Variants in CDH13 observed in about 807,000 individuals in gnomAD.
The protein encoded by CDH13 is cadherin-13.
CDH13 carries 24 observed loss-of-function variants against 63.8 expected under a neutral mutation model. That is an observed-to-expected ratio of 0.38 (90% CI 0.27 to 0.53). CDH13 has a LOEUF of 0.53. CDH13 is among the 20% of genes least tolerant of loss of function. The pLI is 0.85. For synonymous variants in CDH13, 503 were observed against 355.3 expected (o/e 1.42, Z -4.67); for missense variants, 1,049 against 903.1 (o/e 1.16, Z -2.07).
chr16:82,874,248 G>T (rs1195544414), intron 2 of CDH13, among the ~76,000 whole-genome samples: 1 of 152,134 alleles, frequency 6.6e-6, no homozygotes, highest in Non-Finnish European at 1.5e-5. Flanking sequence ...GGTATGCTGA[G>T]TCTCTTGGAT....
At chr16:83,129,602 T>G (rs1302246956) in intron 4 of CDH13, among the ~76,000 whole-genome samples, 5 of 152,186 alleles carry the variant, frequency 3.3e-5, no homozygotes, top group African/African-American at 7.2e-5. Flanking sequence ...ACTGGGATAC[T>G]TTGACACCAG....
intron 1 of CDH13, among the ~76,000 whole-genome samples, chr16:82,711,943 C>G (rs2031978820): frequency 6.6e-6 from 1 of 152,204 alleles, no homozygotes; most frequent in Non-Finnish European, 1.5e-5. Flanking sequence ...CCACATCACA[C>G]AGCTACTAGG....
At chr16:82,840,832 T>C (rs2038980525) in intron 1 of CDH13, among the ~76,000 whole-genome samples, 1 of 152,112 alleles carries the variant, frequency 6.6e-6, no homozygotes, top group South Asian at 2.1e-4. Context: ...GTAACACAAA[T>C]GACTTCTCTG....
intron 7 of CDH13, among the ~76,000 whole-genome samples, chr16:83,526,459 G>T (rs976543395): frequency 2.0e-5 from 3 of 152,142 alleles, no homozygotes; most frequent in African/African-American, 7.2e-5. Flanking sequence ...CTCATAAGGA[G>T]CATGCAAGCT....
chr16:82,668,116 T>TG (rs1912820021), intron 1 of CDH13, among the ~76,000 whole-genome samples: 2 of 152,064 alleles, frequency 1.3e-5, no homozygotes, highest in Non-Finnish European at 2.9e-5. Flanking sequence ...GAGACCTGCC[T>TG]GGGGTACCAG....
intron 5 of CDH13, among the ~76,000 whole-genome samples, chr16:83,323,890 C>T (rs2090296977): frequency 6.6e-6 from 1 of 152,178 alleles, no homozygotes; most frequent in Non-Finnish European, 1.5e-5. Flanking sequence ...ACCATCCTCC[C>T]TTACCTCTTG....
At chr16:83,193,237 C>T (rs549060523) in intron 4 of CDH13, among the ~76,000 whole-genome samples, 5 of 151,956 alleles carry the variant, frequency 3.3e-5, no homozygotes, top group Admixed American at 2.6e-4. Flanking sequence ...AGCTCTTTAC[C>T]TGCATGATAT....
intron 4 of CDH13, among the ~76,000 whole-genome samples, chr16:83,177,941 A>G (rs909071714): frequency 6.6e-6 from 1 of 152,206 alleles, no homozygotes; most frequent in Non-Finnish European, 1.5e-5. Flanking sequence ...AGTGCTAAAC[A>G]TATAGTAGGT....
chr16:83,268,485 C>G (rs2088693158), intron 5 of CDH13, among the ~76,000 whole-genome samples: 1 of 152,170 alleles, frequency 6.6e-6, no homozygotes, highest in Non-Finnish European at 1.5e-5. Context: ...ATAGGTACTT[C>G]TTTCCAATCT....
intron 2 of CDH13, among the ~76,000 whole-genome samples, chr16:82,910,666 G>T (rs924665999): frequency 6.6e-6 from 1 of 152,122 alleles, no homozygotes; most frequent in African/African-American, 2.4e-5. Flanking sequence ...CACTAAACAG[G>T]CCGCACAGGT....
chr16:83,403,510 C>T (rs1339077728), intron 6 of CDH13, among the ~76,000 whole-genome samples: 3 of 152,092 alleles, frequency 2.0e-5, no homozygotes, highest in Admixed American at 2.0e-4. Context: ...GTAGTCCCAG[C>T]CACTCAGGAG....
chr16:83,190,037 G>A (rs1385529029), intron 4 of CDH13, among the ~76,000 whole-genome samples: 4 of 152,164 alleles, frequency 2.6e-5, no homozygotes, highest in African/African-American at 7.2e-5. Flanking sequence ...GTGGAACTGT[G>A]AGTCAATTAA....
intron 3 of CDH13, among the ~76,000 whole-genome samples, chr16:83,124,289 G>A (rs1287183156): frequency 6.6e-6 from 1 of 152,054 alleles, no homozygotes; most frequent in African/African-American, 2.4e-5. Flanking sequence ...CAGGAGATCG[G>A]CCTGCCCTGG....
At chr16:83,367,938 A>T (rs929659097) in intron 6 of CDH13, among the ~76,000 whole-genome samples, 1 of 152,158 alleles carries the variant, frequency 6.6e-6, no homozygotes, top group Non-Finnish European at 1.5e-5. Flanking sequence ...CTTTCCATTT[A>T]TTTTTGTTAA....
At chr16:82,934,624 A>C (rs1567674806) in intron 2 of CDH13, among the ~76,000 whole-genome samples, 1 of 152,124 alleles carries the variant, frequency 6.6e-6, no homozygotes, top group Non-Finnish European at 1.5e-5. Context: ...AATTTTCCAA[A>C]CTTATATGCT....
At chr16:83,111,233 T>C (rs2035042857) in intron 3 of CDH13, among the ~76,000 whole-genome samples, 1 of 151,732 alleles carries the variant, frequency 6.6e-6, no homozygotes, top group Non-Finnish European at 1.5e-5. Flanking sequence ...GTGCTTATGG[T>C]CTTGGGAGGA....
chr16:83,392,748 G>T (rs1469282719), intron 6 of CDH13, among the ~76,000 whole-genome samples: 1 of 152,160 alleles, frequency 6.6e-6, no homozygotes, highest in African/African-American at 2.4e-5. Context: ...CAGAATCACA[G>T]TGTCAGAGCT....
At chr16:82,669,180 C>T (rs950915513) in intron 1 of CDH13, among the ~76,000 whole-genome samples, 1 of 152,184 alleles carries the variant, frequency 6.6e-6, no homozygotes, top group Non-Finnish European at 1.5e-5. Context: ...CCATCGGAAA[C>T]CTCTTGAGGA....
intron 1 of CDH13, among the ~76,000 whole-genome samples, chr16:82,673,338 C>G (rs1172532455): frequency 2.0e-5 from 3 of 152,130 alleles, no homozygotes; most frequent in Non-Finnish European, 4.4e-5. Context: ...CACACTCAGT[C>G]AAGGAACTGA....
Sources: gnomAD v4.1 joint callset for allele counts (sites outside exome capture counted in the v4.1 genomes callset) on GRCh38, gnomAD v4.1.1 for gene constraint, MANE v1.5 for transcripts, NCBI Gene and HGNC (gene_info 2026-07-23, HGNC 2026-07-21) for gene names.